PXDNL: variants seen among roughly 807,000 people sequenced by gnomAD.
PXDNL encodes the protein probable oxidoreductase PXDNL.
PXDNL carries 145 observed loss-of-function variants against 150.8 expected under a neutral mutation model. The ratio of observed to expected loss-of-function variants is 0.96; its 90% CI spans 0.84 to 1.10. PXDNL has a LOEUF of 1.10. PXDNL is among the 50% of genes least tolerant of loss of function. The pLI is 0.00. For synonymous variants in PXDNL, 757 were observed against 725.7 expected, an observed-to-expected ratio of 1.04 and a Z score of -0.69; for missense variants, 2,087 against 1,873.9, an observed-to-expected ratio of 1.11 and a Z score of -2.10.
intron 21 of PXDNL, among the ~76,000 whole-genome samples, chr8:51,333,221 T>C (rs1045591724): frequency 3.3e-5 from 5 of 152,142 alleles, no homozygotes; most frequent in Non-Finnish European, 5.9e-5. Context: ...GCCAAGAATT[T>C]TGTAAACAGC....
chr8:51,425,828 A>C (rs1015459991), intron 13 of PXDNL, among the ~76,000 whole-genome samples: 1 of 152,158 alleles, frequency 6.6e-6, no homozygotes, highest in African/African-American at 2.4e-5. Flanking sequence ...TCTCAAAAAA[A>C]AAAAACAAAA....
chr8:51,659,801 CAG>C (rs1563498645), intron 1 of PXDNL, among the ~76,000 whole-genome samples: 1 of 152,068 alleles, frequency 6.6e-6, no homozygotes, highest in African/African-American at 2.4e-5. Flanking sequence ...AATAAACAAA[CAG>C]AAATTTAATA....
chr8:51,329,229 C>A (rs968051510), intron 21 of PXDNL, among the ~76,000 whole-genome samples: 1 of 152,136 alleles, frequency 6.6e-6, no homozygotes, highest in African/African-American at 2.4e-5. Context: ...AACAGGATGC[C>A]AGCATAATAA....
At chr8:51,669,404 A>G (rs1365338393) in intron 1 of PXDNL, among the ~76,000 whole-genome samples, 1 of 152,224 alleles carries the variant, frequency 6.6e-6, no homozygotes, top group African/African-American at 2.4e-5. Context: ...AATTCATTGT[A>G]GTTTCTAGTC....
intron 14 of PXDNL, among the ~76,000 whole-genome samples, chr8:51,415,077 T>C (rs1174667769): frequency 6.6e-6 from 1 of 152,158 alleles, no homozygotes; most frequent in African/African-American, 2.4e-5. Context: ...AGATGGCAGT[T>C]GTTACTTTGT....
chr8:51,714,411 T>C (rs1408068855), intron 1 of PXDNL, among the ~76,000 whole-genome samples: 1 of 152,210 alleles, frequency 6.6e-6, no homozygotes, highest in East Asian at 1.9e-4. Context: ...GCCATATAAG[T>C]ACATCTAGAG....
At chr8:51,654,596 C>A in intron 2 of PXDNL, 93 bp downstream of exon 2, 4 of 902,296 alleles carry the variant, frequency 4.4e-6, no homozygotes, top group Non-Finnish European at 7.2e-6. Flanking sequence ...CTTCTACTAG[C>A]TGTTCTTGAC....
chr8:51,769,951 T>C lies in PXDNL; in HGVS notation c.164+39230A>G, dbSNP rs2037273814. ...TGAGTGAATGTCCAATGGGTGACTT[T>C]TTGAGGTCAGAGGGCCAAAATCTCC... On this transcript the variant is annotated intron_variant, in intron 1 of 22. Transcript: ENST00000356297. Among the ~76,000 whole-genome samples, 3 of 152,320 alleles carry C rather than the reference T, an allele frequency of 2.0e-5. No homozygotes were observed. The East Asian group carries it at 5.8e-4, about 29-fold the overall frequency.
At chr8:51,349,633 T>G (rs1806273046) in intron 19 of PXDNL, among the ~76,000 whole-genome samples, 1 of 152,174 alleles carries the variant, frequency 6.6e-6, no homozygotes, top group African/African-American at 2.4e-5. Flanking sequence ...TAGAAAATTC[T>G]CAAGACAGCA....
chr8:51,641,513 AAAAC>A (rs1814754594), intron 2 of PXDNL, among the ~76,000 whole-genome samples: 1 of 152,176 alleles, frequency 6.6e-6, no homozygotes, highest in Non-Finnish European at 1.5e-5. Context: ...TTACAAGAAA[AAAAC>A]AAACAACCCT....
intron 1 of PXDNL, among the ~76,000 whole-genome samples, chr8:51,678,430 C>T (rs988962941): frequency 5.9e-5 from 9 of 152,012 alleles, no homozygotes; most frequent in South Asian, 2.1e-4. Flanking sequence ...GATTTTATTG[C>T]GGCACTATTC....
At chr8:51,566,651 T>C (rs1026542406) in intron 3 of PXDNL, among the ~76,000 whole-genome samples, 50 of 151,826 alleles carry the variant, frequency 3.3e-4, no homozygotes, top group African/African-American at 1.2e-3. Flanking sequence ...TTATGTGTGA[T>C]ATTAGTAATT....
chr8:51,786,235 T>A (rs2037459462), intron 1 of PXDNL, among the ~76,000 whole-genome samples: 1 of 151,586 alleles, frequency 6.6e-6, no homozygotes, highest in Non-Finnish European at 1.5e-5. Context: ...TGAGATGGAG[T>A]TTCACTCTTG....
At chr8:51,394,802 C>CG (rs959748745) in intron 17 of PXDNL, among the ~76,000 whole-genome samples, 23 of 152,250 alleles carry the variant, frequency 1.5e-4, no homozygotes, top group Middle Eastern at 3.4e-3. Context: ...GGGTACATAG[C>CG]GCTGGTCCTG....
chr8:51,697,751 T>A (rs1816177366), intron 1 of PXDNL, among the ~76,000 whole-genome samples: 4 of 152,234 alleles, frequency 2.6e-5, no homozygotes, highest in South Asian at 2.1e-4. Context: ...TGAACTTGTC[T>A]GAGTCATTCT....
At chr8:51,769,464 C>G (rs1003442074) in intron 1 of PXDNL, among the ~76,000 whole-genome samples, 2 of 152,180 alleles carry the variant, frequency 1.3e-5, no homozygotes, top group Non-Finnish European at 2.9e-5. Context: ...TTTTCCACTT[C>G]TGGATTTGTG....
intron 3 of PXDNL, among the ~76,000 whole-genome samples, chr8:51,578,510 T>G (rs1425558113): frequency 6.6e-6 from 1 of 151,996 alleles, no homozygotes; most frequent in Admixed American, 6.6e-5. Flanking sequence ...ACCTTGTTCA[T>G]GAATTTAAAG....
In PXDNL at chr8:51,320,685, T is replaced by A. The variant is rs1007931925; in HGVS notation, c.4260+99A>T. On this transcript the variant is annotated intron_variant, in intron 22 of 22. Transcript: ENST00000356297. ...AAAATATGCCTAGAATCTATTGACA[T>A]AAAATATATTTTTTCTCCTTTTGAA... 29 of 855,056 alleles carry A rather than the reference T, an allele frequency of 3.4e-5. No individual in the cohort carries two copies. The African/African-American group carries it at 4.3e-4, about 13-fold the overall frequency. 53.0% of individuals were successfully genotyped at this position (855,056 alleles called of 1,614,324 possible).
intron 12 of PXDNL, among the ~76,000 whole-genome samples, chr8:51,435,041 G>A (rs568740865): frequency 6.6e-5 from 10 of 152,240 alleles, no homozygotes; most frequent in South Asian, 2.1e-4. Context: ...TTCATTGGCC[G>A]GATGCGATGG....
Sources: allele counts gnomAD v4.1 joint callset (sites outside exome capture counted in the v4.1 genomes callset), GRCh38; gene constraint gnomAD v4.1.1; transcripts MANE v1.5; gene names NCBI Gene and HGNC (gene_info 2026-07-23, HGNC 2026-07-21).